CDH13: variants seen among roughly 807,000 people sequenced by gnomAD.
CDH13 encodes cadherin-13.
In CDH13, 24 loss-of-function variants were observed where a neutral mutation model predicts 63.8. The ratio of observed to expected loss-of-function variants is 0.38; its 90% CI spans 0.27 to 0.53. The LOEUF (loss-of-function observed/expected upper bound fraction) is 0.53, where lower values mean the gene tolerates loss of function less well. CDH13 is among the 20% of genes least tolerant of loss of function. CDH13 has a pLI of 0.85. For synonymous variants in CDH13, 503 were observed against 355.3 expected, an observed-to-expected ratio of 1.42 and a Z score of -4.67; for missense variants, 1,049 against 903.1, an observed-to-expected ratio of 1.16 and a Z score of -2.07.
intron 1 of CDH13, among the ~76,000 whole-genome samples, chr16:82,682,338 A>G (rs953920722): frequency 6.6e-6 from 1 of 152,218 alleles, no homozygotes; most frequent in African/African-American, 2.4e-5. Flanking sequence ...TGGTTCTTCT[A>G]ATGCAGAATA....
chr16:83,466,412 A>C (rs1414780490), intron 6 of CDH13, among the ~76,000 whole-genome samples: 3 of 152,244 alleles, frequency 2.0e-5, no homozygotes, highest in African/African-American at 7.2e-5. Context: ...CAGTCCAGCA[A>C]CAGAGGGCTG....
chr16:82,764,721 A>G (rs1431594741), intron 1 of CDH13, among the ~76,000 whole-genome samples: 2 of 151,944 alleles, frequency 1.3e-5, no homozygotes, highest in Non-Finnish European at 1.5e-5. Flanking sequence ...TCAGGAGGTA[A>G]TTTTGTTTGC....
Position 82,786,402 on chromosome 16 carries a change from C to A in CDH13, c.46-71960C>A, listed in dbSNP as rs575847746. ...GTGTCTATGCCAGAGGGCTTACTTG[C>A]AATGATCCTTTGATCCTCCAAATCA... On this transcript the variant is annotated intron_variant, in intron 1 of 13. Coordinates refer to ENST00000567109, the MANE Select transcript of CDH13 (RefSeq NM_001257.5). Among the ~76,000 whole-genome samples, 112 of 149,460 alleles carry A rather than the reference C, an allele frequency of 7.5e-4. 1 individual carries two copies. Among genetic ancestry groups the A allele is most frequent in the African/African-American group, 2.6e-3 (107 of 40,474 alleles).
rs145675343 is a variant in CDH13, at chr16:83,138,323, G to C, written c.483+12822G>C. On this transcript the variant is annotated intron_variant, in intron 4 of 13. Transcript: ENST00000567109. ...CGAGAAGAATGCCCGTCCTAGGAGA[G>C]GGGGCAGACCTGTAAACAGGCAGAC... 8.5e-4 allele frequency among the ~76,000 whole-genome samples: 129 copies of C among 152,210 alleles called. 2 individuals are homozygous for C. The East Asian group carries it at 0.022, about 25-fold the overall frequency.
chr16:82,881,738 C>T lies in CDH13; in HGVS notation c.157+23265C>T, dbSNP rs138892147. 2.3e-3 allele frequency among the ~76,000 whole-genome samples: 357 copies of T among 152,270 alleles called. 2 individuals are homozygous for T. Among genetic ancestry groups the T allele is most frequent in the African/African-American group, 7.6e-3 (317 of 41,540 alleles). On this transcript the variant is annotated intron_variant, in intron 2 of 13. Coordinates refer to ENST00000567109, the MANE Select transcript of CDH13 (RefSeq NM_001257.5). ...TCACTATTGCCCTTGGAGACAGACA[C>T]CCACATTCCTAGTGTGGTTGCCTGA...
At chr16:82,876,429 T>C in intron 2 of CDH13, among the ~76,000 whole-genome samples, 1 of 152,354 alleles carries the variant, frequency 6.6e-6, no homozygotes, top group Non-Finnish European at 1.5e-5. Flanking sequence ...CATTTTTGTC[T>C]TATTTTCAAG....
intron 2 of CDH13, among the ~76,000 whole-genome samples, chr16:82,939,923 T>G (rs1193624113): frequency 3.9e-5 from 6 of 152,182 alleles, no homozygotes; most frequent in Admixed American, 3.9e-4. Context: ...AGAGGTTTGA[T>G]GGACTCACAG....
Position 83,070,337 on chromosome 16 carries a change from G to GCC in CDH13, c.366+38120_366+38121dup, listed in dbSNP as rs575566412. Among the ~76,000 whole-genome samples, 213 of 152,250 alleles carry GCC rather than the reference G, an allele frequency of 1.4e-3. 1 individual carries two copies. The highest frequency in any genetic ancestry group is 0.012 in the South Asian group (60 of 4,818). On this transcript the variant is annotated intron_variant, in intron 3 of 13. Transcript: ENST00000567109. Reference sequence around the variant, plus strand: ...ACGATGACCTTTGAGGTGCCTTCTGGCCATAAGTACCAAGGAATTCATAAA... The same window carrying GCC: ...ACGATGACCTTTGAGGTGCCTTCTGGCCCCATAAGTACCAAGGAATTCATAAA...
intron 10 of CDH13, among the ~76,000 whole-genome samples, chr16:83,728,440 C>A (rs1486046190): frequency 2.6e-5 from 4 of 151,834 alleles, no homozygotes; most frequent in African/African-American, 7.3e-5. Context: ...ATAGCTCCTG[C>A]CAATATGTGC....
chr16:83,164,398 G>C (rs1208859526), intron 4 of CDH13, among the ~76,000 whole-genome samples: 1 of 151,900 alleles, frequency 6.6e-6, no homozygotes, highest in Non-Finnish European at 1.5e-5. Flanking sequence ...ACGTCCCTCT[G>C]ACTCTTGAAG....
intron 5 of CDH13, among the ~76,000 whole-genome samples, chr16:83,218,777 C>T (rs1175229608): frequency 6.6e-6 from 1 of 152,150 alleles, no homozygotes; most frequent in African/African-American, 2.4e-5. Context: ...AATTGTAGCT[C>T]TGAGAATTCA....
chr16:83,438,749 G>T (rs1025620827), intron 6 of CDH13, among the ~76,000 whole-genome samples: 3 of 152,158 alleles, frequency 2.0e-5, no homozygotes, highest in Non-Finnish European at 4.4e-5. Context: ...TGACAGAATG[G>T]TTGTCTGACA....
At chr16:82,783,036 C>G (rs1433026527) in intron 1 of CDH13, among the ~76,000 whole-genome samples, 1 of 152,192 alleles carries the variant, frequency 6.6e-6, no homozygotes, top group Non-Finnish European at 1.5e-5. Flanking sequence ...TCTCCTTCCC[C>G]CATGGAGTTT....
chr16:82,759,552 T>A (rs1272703221), intron 1 of CDH13, among the ~76,000 whole-genome samples: 8 of 150,216 alleles, frequency 5.3e-5, no homozygotes, highest in African/African-American at 1.9e-4. Context: ...ATATGTATAA[T>A]ATAACATGAA....
chr16:82,881,535 G>A (rs2040701901), intron 2 of CDH13, among the ~76,000 whole-genome samples: 1 of 152,154 alleles, frequency 6.6e-6, no homozygotes, highest in Non-Finnish European at 1.5e-5. Flanking sequence ...GACCTTAGAG[G>A]AAAAGACTGT....
chr16:83,453,349 C>A (rs1177430598), intron 6 of CDH13, among the ~76,000 whole-genome samples: 1 of 151,840 alleles, frequency 6.6e-6, no homozygotes, highest in African/African-American at 2.4e-5. Flanking sequence ...ACCACCTGTT[C>A]CCCAAAAACC....
At chr16:82,707,277 T>G (rs2031568794) in intron 1 of CDH13, among the ~76,000 whole-genome samples, 1 of 152,198 alleles carries the variant, frequency 6.6e-6, no homozygotes. Context: ...CTGACTCATT[T>G]TGTTATGGAG....
chr16:83,507,652 C>G (rs556530062), intron 7 of CDH13, among the ~76,000 whole-genome samples: 9 of 152,274 alleles, frequency 5.9e-5, no homozygotes, highest in African/African-American at 2.2e-4. Flanking sequence ...CCTGAATTGC[C>G]TGATCTCATC....
chr16:83,400,693 C>G (rs1349303952), intron 6 of CDH13, among the ~76,000 whole-genome samples: 2 of 152,160 alleles, frequency 1.3e-5, no homozygotes, highest in African/African-American at 4.8e-5. Flanking sequence ...CCTGAAAACA[C>G]AGGATCAAGT....
Sources: allele counts gnomAD v4.1 joint callset (sites outside exome capture counted in the v4.1 genomes callset), GRCh38; gene constraint gnomAD v4.1.1; transcripts MANE v1.5; gene names NCBI Gene and HGNC (gene_info 2026-07-23, HGNC 2026-07-21).